ARB2A: variants seen among roughly 807,000 people sequenced by gnomAD.
The protein encoded by ARB2A is ARB2 cotranscriptional regulator A.
the ARB2A span, among the ~76,000 whole-genome samples, chr5:94,039,734 C>T: frequency 1.3e-5 from 2 of 152,116 alleles, no homozygotes; most frequent in Non-Finnish European, 2.9e-5. Flanking sequence ...GGACCTCTTT[C>T]CTGTAACATC....
At chr5:94,082,036 C>T in the ARB2A span, among the ~76,000 whole-genome samples, 1 of 152,156 alleles carries the variant, frequency 6.6e-6, no homozygotes, top group East Asian at 1.9e-4. Context: ...CATACTCTAG[C>T]TAGATATTAA....
the ARB2A span, among the ~76,000 whole-genome samples, chr5:93,989,409 T>C: frequency 2.0e-5 from 3 of 152,134 alleles, no homozygotes; most frequent in Admixed American, 2.0e-4. Context: ...CCATTTATAA[T>C]TAAAAGAAAT....
chr5:93,873,383 AGGAAGGGGAAGG>A, the ARB2A span, among the ~76,000 whole-genome samples: 8 of 6,592 alleles, frequency 1.2e-3, no homozygotes, highest in African/African-American at 2.7e-3. Flanking sequence ...AGGAAAGGAA[AGGAAGGGGAAGG>A]GGAAGGGGAA....
At chr5:93,639,677 A>G in the ARB2A span, among the ~76,000 whole-genome samples, 1 of 152,196 alleles carries the variant, frequency 6.6e-6, no homozygotes, top group Admixed American at 6.5e-5. Context: ...TGACTACTTA[A>G]TCCTGGGATA....
At chr5:93,629,682 C>A in the ARB2A span, among the ~76,000 whole-genome samples, 56 of 151,990 alleles carry the variant, frequency 3.7e-4, no homozygotes, top group African/African-American at 1.3e-3. Flanking sequence ...CCCTGCCCCC[C>A]ACAAAATAAT....
the ARB2A span, among the ~76,000 whole-genome samples, chr5:94,084,148 C>A: frequency 6.6e-6 from 1 of 151,730 alleles, no homozygotes; most frequent in Non-Finnish European, 1.5e-5. Context: ...GTGGCAGGCA[C>A]CTGTAATCCC....
the ARB2A span, among the ~76,000 whole-genome samples, chr5:93,766,612 A>T: frequency 6.6e-6 from 1 of 152,192 alleles, no homozygotes; most frequent in African/African-American, 2.4e-5. Context: ...TAGTTTAACC[A>T]TTGTGGAAGT....
the ARB2A span, among the ~76,000 whole-genome samples, chr5:93,991,820 G>A: frequency 1.3e-5 from 2 of 151,920 alleles, no homozygotes; most frequent in Non-Finnish European, 2.9e-5. Context: ...TAGAATATAG[G>A]AATTGTGGAT....
At chr5:93,904,423 T>C in the ARB2A span, among the ~76,000 whole-genome samples, 2 of 151,916 alleles carry the variant, frequency 1.3e-5, no homozygotes. Context: ...CTGTGTAACA[T>C]CTTAGAGTTG....
At chr5:93,899,391 C>A in the ARB2A span, among the ~76,000 whole-genome samples, 24 of 151,940 alleles carry the variant, frequency 1.6e-4, no homozygotes, top group Middle Eastern at 3.2e-3. Flanking sequence ...TGTAAAAGTT[C>A]TTTTTCGTTC....
the ARB2A span, among the ~76,000 whole-genome samples, chr5:93,641,360 A>G: frequency 6.6e-6 from 1 of 152,230 alleles, no homozygotes; most frequent in South Asian, 2.1e-4. Context: ...CTATAGGTAG[A>G]TGCCATCTAT....
At chr5:93,871,949 C>CTT in the ARB2A span, among the ~76,000 whole-genome samples, 110 of 132,106 alleles carry the variant, frequency 8.3e-4, no homozygotes, top group African/African-American at 2.8e-3. Flanking sequence ...GGAATTTTTT[C>CTT]TTTTTTTTTT....
chr5:93,762,746 T>C, the ARB2A span, among the ~76,000 whole-genome samples: 28,292 of 152,038 alleles, frequency 0.19, 3,057 homozygotes, highest in Middle Eastern at 0.28. Context: ...AGACACATAA[T>C]TGTCAGATTC....
the ARB2A span, among the ~76,000 whole-genome samples, chr5:93,709,336 G>C: frequency 2.0e-5 from 3 of 151,962 alleles, no homozygotes; most frequent in African/African-American, 7.3e-5. Flanking sequence ...ATTGGTTAAA[G>C]AAAATAAATT....
chr5:93,730,762 G>A, the ARB2A span, among the ~76,000 whole-genome samples: 4 of 151,988 alleles, frequency 2.6e-5, no homozygotes, highest in Non-Finnish European at 5.9e-5. Context: ...ACTTTTCTGG[G>A]GAAATTTAAG....
chr5:94,056,547 A>G, the ARB2A span, among the ~76,000 whole-genome samples: 2 of 152,306 alleles, frequency 1.3e-5, no homozygotes, highest in South Asian at 4.1e-4. Context: ...ATAGATTTGA[A>G]TCCATATAAC....
At chr5:93,764,869 G>T in the ARB2A span, among the ~76,000 whole-genome samples, 1 of 152,192 alleles carries the variant, frequency 6.6e-6, no homozygotes, top group Non-Finnish European at 1.5e-5. Context: ...CTTCATTCCT[G>T]GGATGCAAGG....
At chr5:93,621,580 C>T in the ARB2A span, among the ~76,000 whole-genome samples, 1 of 152,214 alleles carries the variant, frequency 6.6e-6, no homozygotes, top group African/African-American at 2.4e-5. Flanking sequence ...CCACCCACTC[C>T]CGAGACTCGG....
At chr5:93,833,817 C>T in the ARB2A span, among the ~76,000 whole-genome samples, 2 of 152,114 alleles carry the variant, frequency 1.3e-5, no homozygotes, top group African/African-American at 2.4e-5. Flanking sequence ...TTTACACCTT[C>T]GAATCTTTTT....
Sources: allele counts gnomAD v4.1 joint callset (sites outside exome capture counted in the v4.1 genomes callset), GRCh38; gene constraint gnomAD v4.1.1; transcripts MANE v1.5; gene names NCBI Gene and HGNC (gene_info 2026-07-23, HGNC 2026-07-21).